The following CACNA2D1 variants were observed in gnomAD, a reference collection of about 807,000 sequenced individuals.
CACNA2D1 encodes calcium voltage-gated channel auxiliary subunit alpha2delta 1.
In CACNA2D1, 53 loss-of-function variants were observed where a neutral mutation model predicts 171.5. The ratio of observed to expected loss-of-function variants is 0.31; its 90% confidence interval spans 0.25 to 0.39. The LOEUF is 0.39. Among genes scored for constraint, CACNA2D1 ranks in the 10% least tolerant of loss-of-function variants. The pLI, the probability that CACNA2D1 is intolerant of heterozygous loss-of-function variation, is 1.00. For missense variants in CACNA2D1, 903 were observed against 1,299.8 expected (o/e 0.69, Z 4.69); for synonymous variants, 442 against 443.1 (o/e 1.00, Z 0.03).
chr7:82,048,192 T>A (rs1180233201), intron 10 of CACNA2D1, among the ~76,000 whole-genome samples: 4 of 152,170 alleles, frequency 2.6e-5, no homozygotes, highest in African/African-American at 9.7e-5. Flanking sequence ...TTATATTCAA[T>A]TTAACTCAGT....
In CACNA2D1 at chr7:81,950,230, A is replaced by T. The variant is rs2054552338; in HGVS notation, c.*162T>A. On this transcript the variant is annotated 3_prime_UTR_variant, in exon 39 of 39. Transcript: ENST00000356860. ...GGATCTGACACCCTGACATGCAGCC[A>T]GTGGGTGCCTTAGGAGTCTGCGCCT... 1 of 1,233,510 alleles carries T rather than the reference A, an allele frequency of 8.1e-7. No homozygotes were observed. Among genetic ancestry groups the T allele is most frequent in the Non-Finnish European group, 1.1e-6 (1 of 875,004 alleles). 76.4% of individuals were successfully genotyped at this position (1,233,510 alleles called of 1,614,324 possible).
intron 3 of CACNA2D1, among the ~76,000 whole-genome samples, chr7:82,242,835 A>G (rs1804475203): frequency 6.6e-6 from 1 of 152,130 alleles, no homozygotes; most frequent in South Asian, 2.1e-4. Context: ...CAGAAAAATT[A>G]AATACTTTGT....
At chr7:82,268,623 G>T (rs1808226082) in intron 3 of CACNA2D1, among the ~76,000 whole-genome samples, 1 of 151,562 alleles carries the variant, frequency 6.6e-6, no homozygotes, top group Non-Finnish European at 1.5e-5. Context: ...GAAAAATGTT[G>T]AGAAATTATT....
intron 1 of CACNA2D1, among the ~76,000 whole-genome samples, chr7:82,377,316 T>C (rs1458931482): frequency 6.6e-6 from 1 of 152,220 alleles, no homozygotes; most frequent in Non-Finnish European, 1.5e-5. Flanking sequence ...TCAGAATTGT[T>C]ATATTGGATC....
chr7:81,958,524 G>A (rs973862831), intron 38 of CACNA2D1, among the ~76,000 whole-genome samples: 1 of 151,882 alleles, frequency 6.6e-6, no homozygotes, highest in African/African-American at 2.4e-5. Flanking sequence ...AATTTTAAAA[G>A]CATAAAGCTA....
intron 3 of CACNA2D1, among the ~76,000 whole-genome samples, chr7:82,308,190 C>G (rs955125520): frequency 1.6e-4 from 25 of 152,130 alleles, no homozygotes; most frequent in Non-Finnish European, 4.4e-5. Context: ...TGATTCTTCC[C>G]CTCCTTTGCC....
intron 3 of CACNA2D1, among the ~76,000 whole-genome samples, chr7:82,175,983 A>G (rs1796509343): frequency 6.6e-6 from 1 of 152,034 alleles, no homozygotes; most frequent in Admixed American, 6.6e-5. Context: ...TTTACCCTGC[A>G]GGAAAGCTCT....
At chr7:81,985,107 C>A (rs1185239385) in intron 21 of CACNA2D1, among the ~76,000 whole-genome samples, 1 of 151,188 alleles carries the variant, frequency 6.6e-6, no homozygotes, top group African/African-American at 2.4e-5. Context: ...TTTGGACACA[C>A]TTCCTTAACG....
chr7:81,967,135 T>C (rs747470816), intron 31 of CACNA2D1, 34 bp downstream of exon 31: 6 of 1,528,298 alleles, frequency 3.9e-6, no homozygotes, highest in South Asian at 1.1e-5. Flanking sequence ...AAGGAAATAT[T>C]GTACTCAAAA....
chr7:81,977,106 G>C (rs1007238888), intron 24 of CACNA2D1, among the ~76,000 whole-genome samples: 2 of 152,172 alleles, frequency 1.3e-5, no homozygotes, highest in African/African-American at 4.8e-5. Context: ...GGAGTGGTGA[G>C]AGAGTGCATC....
At chr7:82,142,368 T>C (rs1163308216) in intron 4 of CACNA2D1, among the ~76,000 whole-genome samples, 4 of 152,112 alleles carry the variant, frequency 2.6e-5, no homozygotes, top group African/African-American at 4.8e-5. Flanking sequence ...AGTCAAAAAT[T>C]AAATCTGAGC....
chr7:82,385,200 G>C (rs966772621), intron 1 of CACNA2D1, among the ~76,000 whole-genome samples: 7 of 152,174 alleles, frequency 4.6e-5, no homozygotes, highest in Non-Finnish European at 1.0e-4. Flanking sequence ...TTCTGTCCCT[G>C]CTACTGGCCA....
chr7:82,187,104 C>A (rs1371365112), intron 3 of CACNA2D1, among the ~76,000 whole-genome samples: 1 of 152,108 alleles, frequency 6.6e-6, no homozygotes, highest in African/African-American at 2.4e-5. Flanking sequence ...TCACAAATAT[C>A]TGGCTTTTTA....
chr7:82,418,378 A>T (rs1316463149), intron 1 of CACNA2D1, among the ~76,000 whole-genome samples: 3 of 152,190 alleles, frequency 2.0e-5, no homozygotes, highest in Non-Finnish European at 4.4e-5. Context: ...TAAGAGTAGA[A>T]TGCATCTGAA....
intron 3 of CACNA2D1, among the ~76,000 whole-genome samples, chr7:82,183,800 G>A (rs943494846): frequency 1.3e-5 from 2 of 152,014 alleles, no homozygotes; most frequent in African/African-American, 2.4e-5. Context: ...CGTACGTTAC[G>A]CTCCCAAGAT....
chr7:82,227,300 G>C (rs1228024895), intron 3 of CACNA2D1, among the ~76,000 whole-genome samples: 1 of 152,080 alleles, frequency 6.6e-6, no homozygotes, highest in Non-Finnish European at 1.5e-5. Context: ...ACAGAGAGCA[G>C]AAAAGAGGCT....
At chr7:82,044,386 GTTTTA>G (rs1804303175) in intron 10 of CACNA2D1, among the ~76,000 whole-genome samples, 1 of 152,108 alleles carries the variant, frequency 6.6e-6, no homozygotes, top group African/African-American at 2.4e-5. Context: ...ATGTCTTAAT[GTTTTA>G]TTTTCTCTAT....
In CACNA2D1 at chr7:81,968,985, AT is replaced by A. The variant is rs780520862; in HGVS notation, c.2309-13del. ...ACCAGGTCCACTTTCTAAAAAAAAA[AT>A]AAATAAATAAAACACCTATCAAGAT... is the stretch of plus-strand genomic sequence containing the variant. On this transcript the variant is annotated splice_polypyrimidine_tract_variant and intron_variant, in intron 28 of 38. Coordinates refer to ENST00000356860, the MANE Select transcript of CACNA2D1 (RefSeq NM_000722.4). 26 of 1,384,284 alleles carry A rather than the reference AT, an allele frequency of 1.9e-5. No homozygotes were observed. The highest frequency in any genetic ancestry group is 2.6e-5 in the Non-Finnish European group (25 of 976,286). The allele number at this position is 1,384,284 out of a possible 1,614,324, so 85.8% of individuals were successfully genotyped here.
At chr7:82,379,738 T>G (rs1416658994) in intron 1 of CACNA2D1, among the ~76,000 whole-genome samples, 1 of 152,172 alleles carries the variant, frequency 6.6e-6, no homozygotes, top group African/African-American at 2.4e-5. Context: ...ATAATTTGTT[T>G]TCACCTCTGT....
Sources: gnomAD v4.1 joint callset for allele counts (sites outside exome capture counted in the v4.1 genomes callset) on GRCh38, gnomAD v4.1.1 for gene constraint, MANE v1.5 for transcripts, NCBI Gene and HGNC (gene_info 2026-07-23, HGNC 2026-07-21) for gene names.